The following GRM7 variants were observed in gnomAD, a reference collection of about 807,000 sequenced individuals.
GRM7 encodes metabotropic glutamate receptor 7.
GRM7 carries 35 observed loss-of-function variants against 84.5 expected under a neutral mutation model. The observed-to-expected ratio is 0.41, with a 90% CI of 0.32 to 0.55. The LOEUF (loss-of-function observed/expected upper bound fraction) is 0.55. GRM7 is among the 20% of genes least tolerant of loss of function. GRM7 has a pLI of 0.19. For missense variants in GRM7, 1,003 were observed against 1,194.6 expected, an observed-to-expected ratio of 0.84 and a Z score of 2.36; for synonymous variants, 487 against 455.1, an observed-to-expected ratio of 1.07 and a Z score of -0.89.
intron 5 of GRM7, among the ~76,000 whole-genome samples, chr3:7,447,446 C>T (rs985758024): frequency 1.1e-4 from 16 of 152,054 alleles, no homozygotes; most frequent in Admixed American, 4.6e-4. Context: ...AAAATACTGA[C>T]GATCAAGCTT....
chr3:7,127,105 T>C (rs1478013083), intron 1 of GRM7, among the ~76,000 whole-genome samples: 1 of 152,134 alleles, frequency 6.6e-6, no homozygotes, highest in Non-Finnish European at 1.5e-5. Flanking sequence ...TACTAAAAAG[T>C]AATGTCAGTT....
rs112345440 is a variant in GRM7 at position 6,974,269 on chromosome 3, G to T, written c.519+112362G>T. 2.2e-3 allele frequency among the ~76,000 whole-genome samples: 329 copies of T among 152,198 alleles called. 1 individual carries two copies. The highest frequency in any genetic ancestry group is 7.4e-3 in the African/African-American group (306 of 41,520). On this transcript the variant is annotated intron_variant, in intron 1 of 9. Transcript: ENST00000357716. ...GGGGTAGCAACTGGGGAAAGATCAG[G>T]GTCTGAGTTTTGGAGAAAAAAAATT... is the stretch of plus-strand genomic sequence containing the variant.
At chr3:7,479,248 G>A (rs1699039674) in intron 7 of GRM7, among the ~76,000 whole-genome samples, 1 of 151,992 alleles carries the variant, frequency 6.6e-6, no homozygotes, top group Non-Finnish European at 1.5e-5. Context: ...TCTCACTGGT[G>A]ACTCACAGGG....
At chr3:7,426,839 G>C (rs755695161) in intron 5 of GRM7, among the ~76,000 whole-genome samples, 8 of 152,162 alleles carry the variant, frequency 5.3e-5, no homozygotes, top group Non-Finnish European at 1.2e-4. Flanking sequence ...AACTACAAGT[G>C]GTTGTTGAGA....
At chr3:7,536,624 C>T (rs1701253769) in intron 7 of GRM7, among the ~76,000 whole-genome samples, 1 of 152,186 alleles carries the variant, frequency 6.6e-6, no homozygotes, top group Non-Finnish European at 1.5e-5. Context: ...ATGACTTCTA[C>T]ATTGTTTTCT....
chr3:7,632,731 A>G (rs1265129248), intron 8 of GRM7, among the ~76,000 whole-genome samples: 2 of 152,226 alleles, frequency 1.3e-5, no homozygotes, highest in South Asian at 2.1e-4. Flanking sequence ...AACTTCTTAC[A>G]TGTAAATATC....
chr3:7,610,344 C>T (rs1044288502), intron 8 of GRM7, among the ~76,000 whole-genome samples: 1 of 152,134 alleles, frequency 6.6e-6, no homozygotes, highest in African/African-American at 2.4e-5. Flanking sequence ...ATTGATGTGA[C>T]AGCTCATTAC....
At chr3:6,921,939 T>G (rs1462163207) in intron 1 of GRM7, among the ~76,000 whole-genome samples, 1 of 152,176 alleles carries the variant, frequency 6.6e-6, no homozygotes, top group Non-Finnish European at 1.5e-5. Context: ...CTTGCCACTT[T>G]CTAATACAGT....
intron 4 of GRM7, among the ~76,000 whole-genome samples, chr3:7,366,228 C>A (rs1163454541): frequency 2.0e-5 from 3 of 151,860 alleles, no homozygotes; most frequent in Non-Finnish European, 4.4e-5. Flanking sequence ...ATTCTACTAT[C>A]TTCTGTAACT....
chr3:7,008,984 A>G (rs1255873604), intron 1 of GRM7, among the ~76,000 whole-genome samples: 1 of 152,194 alleles, frequency 6.6e-6, no homozygotes, highest in Non-Finnish European at 1.5e-5. Context: ...GAAATAATGA[A>G]TATAAAAAGA....
intron 1 of GRM7, among the ~76,000 whole-genome samples, chr3:6,885,475 C>T (rs148310750): frequency 1.3e-5 from 2 of 152,138 alleles, no homozygotes; most frequent in African/African-American, 4.8e-5. Flanking sequence ...ACCAAGATGG[C>T]ACATTGGTGG....
chr3:7,605,318 A>G (rs1410695746), intron 8 of GRM7, among the ~76,000 whole-genome samples: 1 of 152,190 alleles, frequency 6.6e-6, no homozygotes, highest in East Asian at 1.9e-4. Flanking sequence ...ATGAGAGTTT[A>G]TGTCAAGAAT....
chr3:7,658,784 A>G (rs987393751), intron 8 of GRM7, among the ~76,000 whole-genome samples: 7 of 152,208 alleles, frequency 4.6e-5, no homozygotes, highest in Non-Finnish European at 2.9e-5. Flanking sequence ...TGCATGATCT[A>G]TATTGAATTT....
At chr3:7,383,217 A>G (rs901637297) in intron 4 of GRM7, among the ~76,000 whole-genome samples, 1 of 152,216 alleles carries the variant, frequency 6.6e-6, no homozygotes, top group Admixed American at 6.5e-5. Context: ...TACAATAAAT[A>G]TCTGGATCCC....
At chr3:6,962,180 G>T (rs966928350) in intron 1 of GRM7, among the ~76,000 whole-genome samples, 1 of 152,080 alleles carries the variant, frequency 6.6e-6, no homozygotes, top group Non-Finnish European at 1.5e-5. Context: ...GTACTTGTTT[G>T]TCTACTCCCA....
intron 4 of GRM7, among the ~76,000 whole-genome samples, chr3:7,369,509 T>G (rs1694046519): frequency 6.6e-6 from 1 of 152,110 alleles, no homozygotes; most frequent in South Asian, 2.1e-4. Context: ...CAAGGGAAGC[T>G]GAGAACTGTA....
intron 1 of GRM7, among the ~76,000 whole-genome samples, chr3:6,961,077 T>A (rs1693279657): frequency 6.6e-6 from 1 of 152,228 alleles, no homozygotes; most frequent in African/African-American, 2.4e-5. Flanking sequence ...TCCCAGTCTC[T>A]CTCACTTCCT....
intron 4 of GRM7, among the ~76,000 whole-genome samples, chr3:7,412,359 A>T (rs1433058240): frequency 1.3e-5 from 2 of 152,158 alleles, no homozygotes. Context: ...GTTAGCTCCC[A>T]TTATCCTGGC....
In GRM7 at chr3:6,889,444, G is replaced by A. The variant is rs990013689; in HGVS notation, c.519+27537G>A. Among the ~76,000 whole-genome samples the A allele has an allele frequency of 1.5e-3, 228 of 151,328 alleles. 2 individuals carry two copies. The highest frequency in any genetic ancestry group is 1.7e-3 in the Non-Finnish European group (114 of 67,656). On this transcript the variant is annotated intron_variant, in intron 1 of 9. Coordinates refer to ENST00000357716, the MANE Select transcript of GRM7 (RefSeq NM_000844.4). ...TTATTGAGAGTTTTTAGCATGAAGC[G>A]TTGTTGAATTTTGTCAAAGGCCTTT...
Sources: allele counts gnomAD v4.1 joint callset (sites outside exome capture counted in the v4.1 genomes callset), GRCh38; gene constraint gnomAD v4.1.1; transcripts MANE v1.5; gene names NCBI Gene and HGNC (gene_info 2026-07-23, HGNC 2026-07-21).